PATJ: variants seen among roughly 807,000 people sequenced by gnomAD.
PATJ encodes the protein inaD-like protein.
A neutral mutation model predicts 224.9 loss-of-function variants in PATJ; 190 were observed. The ratio of observed to expected loss-of-function variants is 0.84; its 90% CI spans 0.75 to 0.95. The LOEUF (loss-of-function observed/expected upper bound fraction) is 0.95. Among genes scored for constraint, PATJ ranks in the 40% least tolerant of loss-of-function variants. The pLI is 0.00. For synonymous variants in PATJ, 769 were observed against 820.3 expected, an observed-to-expected ratio of 0.94 and a Z score of 1.07; for missense variants, 2,121 against 2,270.3, an observed-to-expected ratio of 0.93 and a Z score of 1.34.
intron 25 of PATJ, among the ~76,000 whole-genome samples, chr1:61,913,871 A>G (rs1673045745): frequency 6.6e-6 from 1 of 152,216 alleles, no homozygotes; most frequent in African/African-American, 2.4e-5. Context: ...TTCTTGGATA[A>G]TTAATTAGAT....
chr1:61,992,660 C>G (rs1226723141), intron 28 of PATJ, among the ~76,000 whole-genome samples: 1 of 152,112 alleles, frequency 6.6e-6, no homozygotes, highest in Non-Finnish European at 1.5e-5. Context: ...CCTGTGATAT[C>G]CAGACCAACA....
intron 17 of PATJ, among the ~76,000 whole-genome samples, chr1:61,854,961 G>A (rs1663412721): frequency 6.6e-6 from 1 of 152,076 alleles, no homozygotes; most frequent in Non-Finnish European, 1.5e-5. Context: ...TGGAATAGTT[G>A]TGACCTAAGG....
At chr1:61,775,405 A>G (rs968968272) in intron 7 of PATJ, 71 bp downstream of exon 7, 1 of 1,348,304 alleles carries the variant, frequency 7.4e-7, no homozygotes, top group African/African-American at 1.5e-5. Flanking sequence ...ATGTAATTTT[A>G]TAACATGAGT....
intron 27 of PATJ, among the ~76,000 whole-genome samples, chr1:61,951,894 A>G (rs1679738011): frequency 6.6e-6 from 1 of 152,194 alleles, no homozygotes; most frequent in Non-Finnish European, 1.5e-5. Context: ...TTTAATTTGC[A>G]TTTGAAAGAT....
At chr1:62,049,243 T>TCACACA (rs60099928) in intron 30 of PATJ, among the ~76,000 whole-genome samples, 28,731 of 136,980 alleles carry the variant, frequency 0.21, 3,089 homozygotes, top group Non-Finnish European at 0.23. Context: ...AAGTAAGCAA[T>TCACACA]CACACACACA....
chr1:61,837,121 A>G (rs112169284), intron 17 of PATJ, among the ~76,000 whole-genome samples: 2,330 of 152,328 alleles, frequency 0.015, 69 homozygotes, highest in African/African-American at 0.052. Context: ...TGTACCTCCA[A>G]ATTTATAAAA....
rs929925443 is a variant in PATJ at position 61,763,156 on chromosome 1, T to G, written c.166T>G (p.Ser56Ala). ...CAACCAGATACTCACACTTCAGCAG[T>G]CCATCAAGCAACTGAAGGGTCAAGT... Reference protein sequence around the residue: ...LFNQILTLQQSIKQLKGQLNH... With the variant: ...LFNQILTLQQAIKQLKGQLNH... Residue 56 changes from serine to alanine, a missense_variant, in exon 3 of 44, where the codon TCC becomes GCC. Ser to Ala is a moderately conservative substitution (Grantham distance 99, BLOSUM62 1). Transcript: ENST00000642238. 1.3e-6 allele frequency: 2 copies of G among 1,590,052 alleles called. No individual in the cohort carries two copies. Among genetic ancestry groups the G allele is most frequent in the African/African-American group, 2.7e-5 (2 of 74,312 alleles).
In PATJ at chr1:61,864,289, C is replaced by G; in HGVS notation, c.2491C>G (p.Leu831Val). 1.2e-6 allele frequency: 2 copies of G among 1,613,412 alleles called. No homozygotes were observed. The highest frequency in any genetic ancestry group is 8.5e-7 in the Non-Finnish European group (1 of 1,179,540). ...AGAAGAACTTGTGGATGAACCATTT[C>G]TAGATCTGGGAAAGTCTTTCCATTC... is the stretch of plus-strand genomic sequence containing the variant. ...FKEELVDEPF[L>V]DLGKSFHSQQ... The change falls in exon 20 of 44, where the codon CTA becomes GTA. Residue 831 changes from leucine to valine, a missense_variant. Leu to Val is a conservative substitution (Grantham distance 32). Coordinates refer to ENST00000642238, the MANE Select transcript of PATJ (RefSeq NM_001350145.3).
rs1659929256 is a variant in PATJ, at chr1:62,086,039, C to G, written c.4377+1391C>G. 6.6e-6 allele frequency among the ~76,000 whole-genome samples: 1 copy of G among 151,918 alleles called. No individual in the cohort carries two copies. The highest frequency in any genetic ancestry group is 1.5e-5 in the Non-Finnish European group (1 of 67,986). ...ATGTTGCCCAAGCTGGTTTTGAACTCCTAGGCTCAAGCGATCCTCCTACCT... is the reference window on the plus strand; with the variant it reads ...ATGTTGCCCAAGCTGGTTTTGAACTGCTAGGCTCAAGCGATCCTCCTACCT... On this transcript the variant is annotated intron_variant, in intron 33 of 43. Transcript: ENST00000642238. The surrounding 1 kb of genome is among the most constrained non-coding windows in gnomAD (Gnocchi z 4.0).
rs1472392599 is a variant in PATJ at position 62,086,563 on chromosome 1, T to C, written c.4377+1915T>C. Among the ~76,000 whole-genome samples the C allele has an allele frequency of 6.6e-6, 1 of 152,212 alleles. No homozygotes were observed. Among genetic ancestry groups the C allele is most frequent in the Non-Finnish European group, 1.5e-5 (1 of 68,036 alleles). On this transcript the variant is annotated intron_variant, in intron 33 of 43. Coordinates refer to ENST00000642238, the MANE Select transcript of PATJ (RefSeq NM_001350145.3). This position sits in a 1 kb window ranked among gnomAD's most constrained non-coding sequence, Gnocchi z 4.0. ...CAGATAAAACAAACATATCAGGGTC[T>C]ATAAAACTATTTTTTTCCACATTGG...
intron 14 of PATJ, among the ~76,000 whole-genome samples, chr1:61,813,368 TATATATATATACAC>T (rs1195961229): frequency 0.025 from 1,127 of 45,898 alleles, 7 homozygotes; most frequent in African/African-American, 0.044. Context: ...TATATATATA[TATATATATATACAC>T]ACACACACAC....
chr1:61,910,452 A>G (rs1049010733), intron 25 of PATJ, among the ~76,000 whole-genome samples: 1 of 151,324 alleles, frequency 6.6e-6, no homozygotes, highest in South Asian at 2.1e-4. Flanking sequence ...GGTTCTAGCC[A>G]AGGGAGCATA....
chr1:61,958,925 G>A (rs143454550), intron 27 of PATJ, among the ~76,000 whole-genome samples: 23 of 152,242 alleles, frequency 1.5e-4, no homozygotes, highest in African/African-American at 5.1e-4. Context: ...AAACCTTGAA[G>A]ATACACATTT....
At chr1:61,857,074 T>C (rs11591101) in intron 18 of PATJ, among the ~76,000 whole-genome samples, 2,071 of 152,290 alleles carry the variant, frequency 0.014, 25 homozygotes, top group Non-Finnish European at 0.019. Context: ...ACCCCTATAA[T>C]GTCAAACCAT....
chr1:62,064,283 G>T (rs985871901), intron 31 of PATJ, among the ~76,000 whole-genome samples: 1 of 151,158 alleles, frequency 6.6e-6, no homozygotes, highest in Non-Finnish European at 1.5e-5. Context: ...TAGTCTTATG[G>T]ACTTAATGAC....
At position 61,990,247 on chromosome 1, in the gene PATJ, A is replaced by T; in HGVS notation, c.3750A>T (p.Gly1250=). The T allele has an allele frequency of 1.9e-6, 3 of 1,613,960 alleles. No homozygotes were observed. The highest frequency in any genetic ancestry group is 3.3e-5 in the Admixed American group (2 of 60,012). Reference sequence around the variant, plus strand: ...TTGAAAAAGATAAGAATGGACTTGGACTCAGCCTTGCTGGTAATAAAGACC... The same window carrying T: ...TTGAAAAAGATAAGAATGGACTTGGTCTCAGCCTTGCTGGTAATAAAGACC... ...IELEKDKNGL[G]LSLAGNKDRS... is the part of the protein sequence containing the mutation. Residue 1250 remains glycine (G), a synonymous_variant, in exon 28 of 44, where the codon GGA becomes GGT. Coordinates refer to ENST00000642238, the MANE Select transcript of PATJ (RefSeq NM_001350145.3).
At chr1:62,119,166 A>G (rs1664779738) in intron 37 of PATJ, among the ~76,000 whole-genome samples, 1 of 152,162 alleles carries the variant, frequency 6.6e-6, no homozygotes, top group African/African-American at 2.4e-5. Context: ...AAAACAGTAA[A>G]TATATCTTAT....
chr1:61,950,135 C>T (rs533742602), intron 27 of PATJ, among the ~76,000 whole-genome samples: 1 of 152,160 alleles, frequency 6.6e-6, no homozygotes, highest in South Asian at 2.1e-4. Context: ...ACCCAGGAGG[C>T]GGAGGTTGCG....
At chr1:61,840,328 T>C (rs1421212692) in intron 17 of PATJ, among the ~76,000 whole-genome samples, 4 of 152,016 alleles carry the variant, frequency 2.6e-5, no homozygotes, top group Non-Finnish European at 5.9e-5. Flanking sequence ...AGGTAATACA[T>C]ACATATGGCA....
Sources: gnomAD v4.1 joint callset for allele counts (sites outside exome capture counted in the v4.1 genomes callset) on GRCh38, gnomAD v4.1.1 for gene constraint, Gnocchi (gnomAD v3.1) non-coding constraint, MANE v1.5 for transcripts, NCBI Gene and HGNC (gene_info 2026-07-23, HGNC 2026-07-21) for gene names.